The following TRAPPC11 variants were observed in gnomAD, a reference collection of about 807,000 sequenced individuals.
TRAPPC11 encodes trafficking protein particle complex subunit 11.
Under a neutral mutation model 151.2 loss-of-function variants are expected in TRAPPC11, and 104 were observed. That is an observed-to-expected ratio of 0.69 (90% CI 0.59 to 0.81). The LOEUF (loss-of-function observed/expected upper bound fraction) is 0.81. Ranked by LOEUF, TRAPPC11 falls within the 30% of genes least tolerant of loss-of-function variation. The probability of loss-of-function intolerance (pLI) is 0.00; values close to 1 mark genes in which losing one functional copy is unlikely to be tolerated. For synonymous variants in TRAPPC11, 456 were observed against 472.3 expected (o/e 0.97, Z 0.45); for missense variants, 1,230 against 1,349.6 (o/e 0.91, Z 1.39).
intron 28 of TRAPPC11, among the ~76,000 whole-genome samples, chr4:183,708,128 T>C (rs1177870725): frequency 6.6e-6 from 1 of 152,244 alleles, no homozygotes; most frequent in African/African-American, 2.4e-5. Flanking sequence ...CCTTGAGTTC[T>C]CATTCTTTAG....
At chr4:183,681,740 A>C (rs1011154950) in intron 10 of TRAPPC11, among the ~76,000 whole-genome samples, 1 of 151,154 alleles carries the variant, frequency 6.6e-6, no homozygotes, top group African/African-American at 2.4e-5. Flanking sequence ...AGATCGTGCC[A>C]GTGCACTCCA....
In TRAPPC11 at chr4:183,675,231, C is replaced by T. The variant is rs373207427; in HGVS notation, c.728C>T (p.Ala243Val). 14 of 1,529,276 alleles carry T rather than the reference C, an allele frequency of 9.2e-6. No homozygotes were observed. Among genetic ancestry groups the T allele is most frequent in the Non-Finnish European group, 1.1e-5 (12 of 1,134,326 alleles). 94.7% of individuals were successfully genotyped at this position (1,529,276 alleles called of 1,614,324 possible). A position where few individuals can be genotyped will look rare whatever the true frequency, so the allele number is the denominator to read the frequency against. The change falls in exon 7 of 30, where the codon GCG becomes GTG. Residue 243 changes from alanine to valine, a missense_variant. Physicochemically the swap from Ala to Val is moderately conservative, Grantham distance 64. Transcript: ENST00000334690. ...GAGTTGAAACAAGATACACAAAATG[C>T]GCTGAAGTAAGTTAAGCTTTCAAAC... is the stretch of plus-strand genomic sequence containing the variant. ...FSELKQDTQN[A>V]LKNYRTAYNL...
At chr4:183,681,772 C>CAAA (rs148717952) in intron 10 of TRAPPC11, among the ~76,000 whole-genome samples, 73 of 122,626 alleles carry the variant, frequency 6.0e-4, no homozygotes, top group Non-Finnish European at 1.2e-3. Context: ...AACTCTGTCT[C>CAAA]AAAAAGAAAA....
At chr4:183,676,748 G>T (rs1212911503) in intron 7 of TRAPPC11, among the ~76,000 whole-genome samples, 1 of 152,164 alleles carries the variant, frequency 6.6e-6, no homozygotes, top group African/African-American at 2.4e-5. Flanking sequence ...GGTACTTGGG[G>T]TTAAAAAGCT....
At chr4:183,668,925 G>A (rs1389044490) in intron 5 of TRAPPC11, among the ~76,000 whole-genome samples, 1 of 152,154 alleles carries the variant, frequency 6.6e-6, no homozygotes, top group Non-Finnish European at 1.5e-5. Context: ...CTCATGAACA[G>A]TTTTATTTAT....
intron 25 of TRAPPC11, among the ~76,000 whole-genome samples, chr4:183,698,155 A>G (rs1373768578): frequency 6.6e-6 from 1 of 151,898 alleles, no homozygotes; most frequent in African/African-American, 2.4e-5. Context: ...ATTAACTCTT[A>G]ATGTTTACTG....
chr4:183,682,796 G>A lies in TRAPPC11; in HGVS notation c.1178G>A (p.Gly393Glu). Reference protein sequence around the residue: ...ETQTGVLDFYGQRSWRQGILS... With the variant: ...ETQTGVLDFYEQRSWRQGILS... ...CAAACAGGCGTTCTTGACTTTTATG[G>A]ACAAAGATCATGGCGACAAGGAATA... Residue 393 changes from glycine (G) to glutamate (E), a missense_variant, in exon 11 of 30, where the codon GGA (glycine) becomes GAA (glutamate). Gly to Glu is a moderately conservative substitution (Grantham distance 98, BLOSUM62 -2). Transcript: ENST00000334690. The A allele has an allele frequency of 6.2e-7, 1 of 1,613,550 alleles. No homozygotes were observed. The highest frequency in any genetic ancestry group is 8.5e-7 in the Non-Finnish European group (1 of 1,179,614).
chr4:183,674,563 C>G, intron 5 of TRAPPC11, 150 bp from the exon 6 acceptor site: 1 of 419,260 alleles, frequency 2.4e-6, no homozygotes, highest in Non-Finnish European at 4.3e-6. Context: ...TCTGAAAATT[C>G]AGGTTATCTT....
At chr4:183,660,290 C>T (rs1734407007) in intron 1 of TRAPPC11, among the ~76,000 whole-genome samples, 2 of 152,204 alleles carry the variant, frequency 1.3e-5, no homozygotes, top group South Asian at 4.1e-4. Context: ...CTGTCCAGTT[C>T]TGTAGCCAGT....
intron 28 of TRAPPC11, 41 bp from the exon 29 acceptor site, chr4:183,708,366 G>A: frequency 6.3e-7 from 1 of 1,588,360 alleles, no homozygotes; most frequent in Non-Finnish European, 8.6e-7. Flanking sequence ...TTGCACATAT[G>A]TGTATTTGAT....
intron 1 of TRAPPC11, among the ~76,000 whole-genome samples, chr4:183,661,529 A>G (rs1321663990): frequency 1.6e-4 from 24 of 148,898 alleles, no homozygotes; most frequent in Non-Finnish European, 2.5e-4. Flanking sequence ...CCACCACCAT[A>G]CTCGGCTAAT....
chr4:183,682,685 C>T (rs375843967), intron 10 of TRAPPC11, 47 bp from the exon 11 acceptor site: 25 of 1,333,132 alleles, frequency 1.9e-5, no homozygotes, highest in Middle Eastern at 1.9e-4. Context: ...AGTTGATTTG[C>T]GATGAGTTCC....
intron 1 of TRAPPC11, among the ~76,000 whole-genome samples, chr4:183,661,839 G>GT (rs1192239524): frequency 7.4e-6 from 1 of 135,284 alleles, no homozygotes; most frequent in East Asian, 2.1e-4. Flanking sequence ...ATAGTTCACT[G>GT]TAACTTTAAA....
chr4:183,676,785 G>A (rs1735433634), intron 7 of TRAPPC11, among the ~76,000 whole-genome samples: 1 of 152,030 alleles, frequency 6.6e-6, no homozygotes, highest in African/African-American at 2.4e-5. Context: ...GTTTTTTTGA[G>A]ATGGCATCTC....
Position 183,693,043 on chromosome 4 carries a change from T to C in TRAPPC11, c.2133T>C (p.Ala711=). The C allele has an allele frequency of 6.2e-7, 1 of 1,613,902 alleles. No homozygotes were observed. The highest frequency in any genetic ancestry group is 8.5e-7 in the Non-Finnish European group (1 of 1,179,886). The change falls in exon 20 of 30, where the codon GCT becomes GCC. Residue 711 remains alanine, a synonymous_variant. Coordinates refer to ENST00000334690, the MANE Select transcript of TRAPPC11 (RefSeq NM_021942.6). ...GGCAGGGAGGAGGAGGAGATGCTGC[T>C]TCCTCCCAAGAAGCCTTACAGGCAG... ...LNWQGGGGDA[A]SSQEALQAAR...
Position 183,694,705 on chromosome 4 carries a change from T to A in TRAPPC11, c.2610T>A (p.Ile870=). ...LINTTVEEKE[I]VCKCHKDETV... ...ATACAACCGTTGAAGAAAAAGAAAT[T>A]GTTTGCAAGTGTCACAAGGTATTTT... Residue 870 remains isoleucine, a synonymous_variant, in exon 23 of 30, where the codon ATT becomes ATA. Coordinates refer to ENST00000334690, the MANE Select transcript of TRAPPC11 (RefSeq NM_021942.6). The A allele has an allele frequency of 6.2e-7, 1 of 1,607,998 alleles. No individual in the cohort carries two copies. The highest frequency in any genetic ancestry group is 8.5e-7 in the Non-Finnish European group (1 of 1,178,756).
chr4:183,663,005 TTC>T (rs1171816996), intron 1 of TRAPPC11, among the ~76,000 whole-genome samples: 3 of 152,188 alleles, frequency 2.0e-5, no homozygotes, highest in Non-Finnish European at 4.4e-5. Flanking sequence ...TTTTTCTCTC[TTC>T]TGTTTGTTTG....
chr4:183,679,920 G>T (rs1161788957), intron 9 of TRAPPC11, among the ~76,000 whole-genome samples, 200 bp from the exon 10 acceptor site: 1 of 152,098 alleles, frequency 6.6e-6, no homozygotes, highest in Non-Finnish European at 1.5e-5. Context: ...TAGAAGAGAT[G>T]ACTTAAATAT....
At position 183,704,963 on chromosome 4, in the gene TRAPPC11, AC is replaced by A. The variant is rs1579224770; in HGVS notation, c.2964-14del. 6.6e-7 allele frequency: 1 copy of A among 1,523,314 alleles called. No individual in the cohort carries two copies. The highest frequency in any genetic ancestry group is 9.0e-7 in the Non-Finnish European group (1 of 1,113,106). The allele number at this position is 1,523,314 out of a possible 1,614,324, so 94.4% of individuals were successfully genotyped here. A position where few individuals can be genotyped will look rare whatever the true frequency, so the allele number is the denominator to read the frequency against. ...TGTTTAAAAAGAGTTTAAAAAGATG[AC>A]CTCTTCTGCCACAGGACCTCAGCAA... On this transcript the variant is annotated splice_polypyrimidine_tract_variant and intron_variant, in intron 26 of 29. Transcript: ENST00000334690.
Sources: allele counts gnomAD v4.1 joint callset (sites outside exome capture counted in the v4.1 genomes callset), GRCh38; gene constraint gnomAD v4.1.1; transcripts MANE v1.5; gene names NCBI Gene and HGNC (gene_info 2026-07-23, HGNC 2026-07-21).